Variants in HPSE2 observed in about 807,000 individuals in gnomAD.
HPSE2 encodes the protein inactive heparanase-2.
A neutral mutation model predicts 60.5 loss-of-function variants in HPSE2; 38 were observed. The ratio of observed to expected loss-of-function variants is 0.63; its 90% CI spans 0.48 to 0.82. The LOEUF is 0.82. Ranked by LOEUF, HPSE2 falls within the 40% of genes least tolerant of loss-of-function variation. HPSE2 has a pLI of 0.00. For missense variants in HPSE2, 713 were observed against 740.4 expected, an observed-to-expected ratio of 0.96 and a Z score of 0.43; for synonymous variants, 295 against 293.2, an observed-to-expected ratio of 1.01 and a Z score of -0.06.
chr10:98,557,898 G>A (rs1226942648), intron 9 of HPSE2, among the ~76,000 whole-genome samples: 1 of 152,092 alleles, frequency 6.6e-6, no homozygotes, highest in Admixed American at 6.6e-5. Context: ...GCAGTGAGCC[G>A]AGATCATGCC....
chr10:98,921,970 T>C (rs987496712), intron 3 of HPSE2, among the ~76,000 whole-genome samples: 7 of 152,152 alleles, frequency 4.6e-5, no homozygotes, highest in Non-Finnish European at 1.0e-4. Context: ...ATCTGCACTC[T>C]AGACCTGTGA....
chr10:99,055,682 T>A (rs1050570399), intron 3 of HPSE2, among the ~76,000 whole-genome samples: 9 of 152,084 alleles, frequency 5.9e-5, no homozygotes, highest in Non-Finnish European at 1.0e-4. Flanking sequence ...ATCTAGATAA[T>A]CTCCTAGTAG....
chr10:99,015,314 C>G (rs1957113767), intron 3 of HPSE2, among the ~76,000 whole-genome samples: 1 of 152,130 alleles, frequency 6.6e-6, no homozygotes, highest in Non-Finnish European at 1.5e-5. Flanking sequence ...CATCCCATTA[C>G]TGGGTATATA....
the HPSE2 span, among the ~76,000 whole-genome samples, chr10:99,288,725 G>A: frequency 8.8e-6 from 1 of 113,980 alleles, no homozygotes; most frequent in African/African-American, 3.2e-5. Context: ...ACATGAAAGA[G>A]CTGCAAGAGG....
chr10:98,638,013 G>A (rs1184831802), intron 7 of HPSE2, among the ~76,000 whole-genome samples: 1 of 151,790 alleles, frequency 6.6e-6, no homozygotes, highest in Non-Finnish European at 1.5e-5. Flanking sequence ...GGTGGCATGA[G>A]CCTGTAGTCC....
At chr10:98,515,851 T>C (rs1208961880) in intron 9 of HPSE2, among the ~76,000 whole-genome samples, 1 of 152,226 alleles carries the variant, frequency 6.6e-6, no homozygotes, top group Non-Finnish European at 1.5e-5. Context: ...CTAACTGCCT[T>C]TTCTACAGCA....
the HPSE2 span, among the ~76,000 whole-genome samples, chr10:99,274,567 G>C: frequency 6.6e-6 from 1 of 152,094 alleles, no homozygotes; most frequent in Non-Finnish European, 1.5e-5. Context: ...TGTCAAGCCT[G>C]TAGTCTGTGT....
chr10:98,832,881 C>G (rs2134660710), intron 3 of HPSE2, among the ~76,000 whole-genome samples: 1 of 152,246 alleles, frequency 6.6e-6, no homozygotes, highest in Non-Finnish European at 1.5e-5. Context: ...AGGCAGCAAG[C>G]CTGGGAATGT....
intron 3 of HPSE2, among the ~76,000 whole-genome samples, chr10:98,820,761 CCT>C (rs1280697436): frequency 6.6e-6 from 1 of 152,146 alleles, no homozygotes; most frequent in Non-Finnish European, 1.5e-5. Context: ...TAGCTGACTC[CCT>C]CTCTGCATGA....
chr10:98,512,845 G>GCACA (rs1942462906), intron 9 of HPSE2, among the ~76,000 whole-genome samples: 1 of 26,800 alleles, frequency 3.7e-5, no homozygotes, highest in Non-Finnish European at 1.3e-4. Context: ...ACACACACAG[G>GCACA]CACACTTTGT....
chr10:98,897,978 A>G (rs2134965982), intron 3 of HPSE2, among the ~76,000 whole-genome samples: 1 of 152,178 alleles, frequency 6.6e-6, no homozygotes, highest in East Asian at 1.9e-4. Flanking sequence ...ATACCAAAGA[A>G]CTCTTAGAAC....
intron 2 of HPSE2, among the ~76,000 whole-genome samples, chr10:99,154,830 C>A (rs925220820): frequency 2.6e-5 from 4 of 151,852 alleles, no homozygotes; most frequent in African/African-American, 9.7e-5. Context: ...GAGTCAAGAC[C>A]CATCAGTGTG....
chr10:99,308,274 G>A, the HPSE2 span, among the ~76,000 whole-genome samples: 3 of 150,710 alleles, frequency 2.0e-5, no homozygotes, highest in Non-Finnish European at 4.4e-5. Flanking sequence ...TGAAATCCCA[G>A]CTACTTGGGA....
intron 9 of HPSE2, among the ~76,000 whole-genome samples, chr10:98,584,208 TGCACTGA>T (rs1303127121): frequency 6.6e-6 from 1 of 152,096 alleles, no homozygotes; most frequent in African/African-American, 2.4e-5. Context: ...GGAGTAAACA[TGCACTGA>T]GCACTGAGCA....
the HPSE2 span, among the ~76,000 whole-genome samples, chr10:99,310,494 G>A: frequency 0.86 from 130,603 of 152,254 alleles, 56,399 homozygotes; most frequent in African/African-American, 0.93. Context: ...AGTGTAAATA[G>A]TTAGAAAGGA....
In HPSE2 at chr10:98,788,719, C is replaced by T. The variant is rs377546924; in HGVS notation, c.611-44663G>A. On this transcript the variant is annotated intron_variant, in intron 3 of 11. Transcript: ENST00000370552. ...AGTGACCCGATTTTCCAGGTGCGTC[C>T]GTCACCCCTTTCTTTGACTCGGAAA... 1.1e-4 allele frequency among the ~76,000 whole-genome samples: 16 copies of T among 151,852 alleles called. No homozygotes were observed. The East Asian group carries it at 1.8e-3, about 17-fold the overall frequency.
At chr10:98,617,582 T>C (rs1316208260) in intron 8 of HPSE2, among the ~76,000 whole-genome samples, 3 of 152,200 alleles carry the variant, frequency 2.0e-5, no homozygotes, top group Admixed American at 2.0e-4. Flanking sequence ...TTCCCATGGC[T>C]TTAGGAATAG....
chr10:98,705,769 G>A (rs1948531980), intron 5 of HPSE2, among the ~76,000 whole-genome samples: 1 of 152,058 alleles, frequency 6.6e-6, no homozygotes. Context: ...GTGGGGGAGC[G>A]AGGAGAGGGA....
intron 10 of HPSE2, among the ~76,000 whole-genome samples, chr10:98,484,833 T>C (rs1485318851): frequency 2.0e-5 from 3 of 152,230 alleles, no homozygotes. Flanking sequence ...CTTCAGCATG[T>C]ATCAGCAAAA....
Sources: gnomAD v4.1 joint callset for allele counts (sites outside exome capture counted in the v4.1 genomes callset) on GRCh38, gnomAD v4.1.1 for gene constraint, MANE v1.5 for transcripts, NCBI Gene and HGNC (gene_info 2026-07-23, HGNC 2026-07-21) for gene names.